The following SMIM22 variants were observed in gnomAD, a reference collection of about 807,000 sequenced individuals.
The protein encoded by SMIM22 is small integral membrane protein 22, also known as cancer associated small integral membrane open reading frame 1.
SMIM22 carries 16 observed loss-of-function variants against 8.4 expected under a neutral mutation model. The observed-to-expected ratio is 1.90, with a 90% CI of 1.29 to 2.89. The LOEUF is 2.89. Ranked by LOEUF, SMIM22 falls within the 30% of genes most tolerant of loss-of-function variation. The pLI is 0.00. For missense variants in SMIM22, 159 were observed against 107.5 expected, an observed-to-expected ratio of 1.48 and a Z score of -2.12; for synonymous variants, 67 against 47.6, an observed-to-expected ratio of 1.41 and a Z score of -1.68.
intron 2 of SMIM22, among the ~76,000 whole-genome samples, chr16:4,789,079 C>T (rs1020818870): frequency 2.6e-5 from 4 of 152,314 alleles, no homozygotes; most frequent in Admixed American, 6.5e-5. Flanking sequence ...AATGCAGTGG[C>T]GCGATCTCGG....
upstream of SMIM22, among the ~76,000 whole-genome samples, chr16:4,793,237 G>C (rs1378610635): frequency 1.3e-5 from 2 of 152,118 alleles, no homozygotes; most frequent in Non-Finnish European, 2.9e-5. Context: ...CTAGAAGCTG[G>C]ACAAGGCAAA....
At chr16:4,790,352 G>A (rs1351507113) in intron 2 of SMIM22, among the ~76,000 whole-genome samples, 3 of 152,212 alleles carry the variant, frequency 2.0e-5, no homozygotes, top group Non-Finnish European at 4.4e-5. Context: ...AAGTAAAACC[G>A]TATTCACAGA....
rs2082632837 is a variant in SMIM22, at chr16:4,795,856, T to C, written c.122T>C (p.Met41Thr). ...TVAFIVFLTFMGTVLLLLLLV... is the reference protein window; with the variant it reads ...TVAFIVFLTFTGTVLLLLLLV... ...GCCTTCATTGTTTTCCTCACCTTCA[T>C]GGGTAAGTGTGGCTGTGGCCTCTGG... Residue 41 changes from methionine (M) to threonine (T), a missense_variant and splice_region_variant, in exon 2 of 4, where the codon ATG (methionine) becomes ACG (threonine). Transcript: ENST00000586005. The C allele has an allele frequency of 2.0e-6, 3 of 1,535,852 alleles. No homozygotes were observed. The highest frequency in any genetic ancestry group is 2.6e-6 in the Non-Finnish European group (3 of 1,146,722).
At chr16:4,795,685 C>T in intron 1 of SMIM22, 30 bp from the exon 2 acceptor site, 1 of 1,528,984 alleles carries the variant, frequency 6.5e-7, no homozygotes, top group Non-Finnish European at 8.7e-7. Flanking sequence ...AGCCCAGGAT[C>T]CTGATGCAGC....
chr16:4,791,992 T>C (rs1398522864), upstream of SMIM22, among the ~76,000 whole-genome samples: 1 of 151,930 alleles, frequency 6.6e-6, no homozygotes, highest in African/African-American at 2.4e-5. Context: ...TGGCCTGACT[T>C]TGTCTTTTAA....
upstream of SMIM22, among the ~76,000 whole-genome samples, chr16:4,792,694 C>T (rs1029705101): frequency 2.7e-5 from 4 of 148,808 alleles, no homozygotes; most frequent in South Asian, 2.2e-4. Context: ...CCCAGTGATT[C>T]GGGAGGCCGA....
At chr16:4,790,508 A>T (rs1362431177), upstream of SMIM22, among the ~76,000 whole-genome samples, 1 of 152,136 alleles carries the variant, frequency 6.6e-6, no homozygotes. Context: ...GCTAGGGGTC[A>T]GCCAGGTGCG....
upstream of SMIM22, among the ~76,000 whole-genome samples, chr16:4,794,269 G>T (rs999109494): frequency 6.6e-6 from 1 of 151,762 alleles, no homozygotes; most frequent in Non-Finnish European, 1.5e-5. Context: ...CACCATGGCC[G>T]GCTAATTTTT....
rs2082629921 is a variant in SMIM22 at position 4,795,777 on chromosome 16, G to A, written c.43G>A (p.Val15Ile). 1 of 1,535,996 alleles carries A rather than the reference G, an allele frequency of 6.5e-7. No homozygotes were observed. The highest frequency in any genetic ancestry group is 2.4e-5 in the East Asian group (1 of 40,910). The change falls in exon 2 of 4, where the codon GTC (valine) becomes ATC (isoleucine). Residue 15 changes from valine to isoleucine, a missense_variant. Val to Ile is a conservative substitution (Grantham distance 29). Transcript: ENST00000586005. ...GGAGCTGGAGGCCACGGTTCAGGAAGTCCTGGGGAGACTGAAGAGCCACCA... is the reference window on the plus strand; with the variant it reads ...GGAGCTGGAGGCCACGGTTCAGGAAATCCTGGGGAGACTGAAGAGCCACCA... ...TEELEATVQE[V>I]LGRLKSHQFF...
chr16:4,792,535 A>G (rs12932656), upstream of SMIM22, among the ~76,000 whole-genome samples: 1 of 149,010 alleles, frequency 6.7e-6, no homozygotes. Flanking sequence ...GGCGCGGTGG[A>G]TCATGCCTGT....
At chr16:4,790,156 C>T (rs1362233093) in intron 2 of SMIM22, 1 of 152,076 alleles carries the variant, frequency 6.6e-6, no homozygotes, top group East Asian at 1.9e-4. Flanking sequence ...TCAAGGGGTC[C>T]AGCTGCCTCA....
At chr16:4,793,575 G>A (rs990702939), upstream of SMIM22, among the ~76,000 whole-genome samples, 15 of 152,270 alleles carry the variant, frequency 9.9e-5, no homozygotes, top group African/African-American at 3.6e-4. Context: ...GTAAAATAGA[G>A]AAAATAAGGA....
At chr16:4,793,228 T>A (rs1410816720), upstream of SMIM22, among the ~76,000 whole-genome samples, 64 of 151,722 alleles carry the variant, frequency 4.2e-4, no homozygotes, top group Non-Finnish European at 9.4e-4. Context: ...CACCACCCTC[T>A]AGAAGCTGGA....
At chr16:4,795,480 G>A (rs1482903112) in intron 1 of SMIM22, 31 bp downstream of exon 1, 9 of 534,722 alleles carry the variant, frequency 1.7e-5, no homozygotes, top group Admixed American at 3.5e-5. Flanking sequence ...TGGGCTGCCA[G>A]GGGGAGAGAG....
At chr16:4,788,931 G>A (rs1253470141) in intron 2 of SMIM22, among the ~76,000 whole-genome samples, 1 of 152,202 alleles carries the variant, frequency 6.6e-6, no homozygotes, top group Non-Finnish European at 1.5e-5. Flanking sequence ...TTATCACCCT[G>A]ACTTGAGATG....
upstream of SMIM22, among the ~76,000 whole-genome samples, chr16:4,793,691 T>C (rs149812894): frequency 5.3e-5 from 8 of 152,358 alleles, no homozygotes; most frequent in Non-Finnish European, 1.0e-4. Flanking sequence ...CACATCTCTA[T>C]TGGACATGTA....
rs1397758823 is a variant in SMIM22 at position 4,795,786 on chromosome 16, A to T, written c.52A>T (p.Arg18Ter). ...GGCCACGGTTCAGGAAGTCCTGGGG[A>T]GACTGAAGAGCCACCAGTTTTTCCA... ...LEATVQEVLG[R>*]LKSHQFFQST... The change falls in exon 2 of 4, where the codon AGA becomes TGA. Residue 18 changes from arginine (R) to a stop codon, truncating the protein, a stop_gained. Transcript: ENST00000586005. LOFTEE classifies it high-confidence loss of function. 3 of 1,535,954 alleles carry T rather than the reference A, an allele frequency of 2.0e-6. No individual in the cohort carries two copies. The highest frequency in any genetic ancestry group is 2.6e-6 in the Non-Finnish European group (3 of 1,146,810).
chr16:4,795,704 G>T lies in SMIM22; in HGVS notation c.-20-11G>T. 3 of 1,533,270 alleles carry T rather than the reference G, an allele frequency of 2.0e-6. No individual in the cohort carries two copies. The South Asian group carries it at 3.6e-5, about 18-fold the overall frequency. The allele number at this position is 1,533,270 out of a possible 1,614,324, so 95.0% of individuals were successfully genotyped here. On this transcript the variant is annotated splice_polypyrimidine_tract_variant and intron_variant, in intron 1 of 3. Transcript: ENST00000586005. Reference sequence around the variant, plus strand: ...CAGGATCCTGATGCAGCCTCTGGGGGACCGGGGCAGGTGGCACGGTGCACG... The same window carrying T: ...CAGGATCCTGATGCAGCCTCTGGGGTACCGGGGCAGGTGGCACGGTGCACG...
upstream of SMIM22, among the ~76,000 whole-genome samples, chr16:4,791,047 C>T (rs1252772787): frequency 2.6e-5 from 4 of 152,258 alleles, no homozygotes; most frequent in Admixed American, 6.5e-5. Context: ...GTGTGGACTG[C>T]GTTTGAGCAG....
Sources: gnomAD v4.1 joint callset for allele counts (sites outside exome capture counted in the v4.1 genomes callset) on GRCh38, gnomAD v4.1.1 for gene constraint, MANE v1.5 for transcripts, NCBI Gene and HGNC (gene_info 2026-07-23, HGNC 2026-07-21) for gene names.